Variants in ESRRG observed in about 807,000 individuals in gnomAD.
The protein encoded by ESRRG is estrogen related receptor gamma.
ESRRG carries 13 observed loss-of-function variants against 44.0 expected under a neutral mutation model. That is an observed-to-expected ratio of 0.30 (90% confidence interval 0.19 to 0.47). ESRRG has a LOEUF of 0.47. Among genes scored for constraint, ESRRG ranks in the 20% least tolerant of loss-of-function variants. ESRRG has a pLI of 1.00. For missense variants in ESRRG, 395 were observed against 580.6 expected (o/e 0.68, Z 3.29); for synonymous variants, 215 against 214.6 (o/e 1.00, Z -0.02).
intron 1 of ESRRG, among the ~76,000 whole-genome samples, chr1:216,945,274 A>C (rs2065886434): frequency 6.6e-6 from 1 of 152,122 alleles, no homozygotes; most frequent in Non-Finnish European, 1.5e-5. Context: ...GGAAGGAGGC[A>C]TTTGCTCAAT....
intron 1 of ESRRG, among the ~76,000 whole-genome samples, chr1:216,693,008 T>C (rs2079368631): frequency 6.6e-6 from 1 of 152,254 alleles, no homozygotes; most frequent in South Asian, 2.1e-4. Context: ...CATGGCTGTA[T>C]ACATGCAATG....
At chr1:216,578,232 C>A (rs534755265) in intron 3 of ESRRG, among the ~76,000 whole-genome samples, 7 of 151,906 alleles carry the variant, frequency 4.6e-5, no homozygotes, top group African/African-American at 1.7e-4. Context: ...ACAATACAAG[C>A]GAGAGATGTC....
At chr1:217,088,130 CTT>C (rs891214089) in intron 1 of ESRRG, among the ~76,000 whole-genome samples, 4 of 149,304 alleles carry the variant, frequency 2.7e-5, no homozygotes, top group South Asian at 2.1e-4. Flanking sequence ...ATTTCCGACT[CTT>C]TTTCTCTCGC....
At chr1:216,668,080 G>C (rs966823372) in intron 2 of ESRRG, among the ~76,000 whole-genome samples, 10 of 152,032 alleles carry the variant, frequency 6.6e-5, no homozygotes, top group Non-Finnish European at 1.0e-4. Flanking sequence ...CTGGGTGACA[G>C]AACGAGACTC....
At chr1:216,744,437 C>T (rs187209422) in intron 2 of ESRRG, among the ~76,000 whole-genome samples, 120 of 151,926 alleles carry the variant, frequency 7.9e-4, no homozygotes, top group Non-Finnish European at 1.6e-3. Flanking sequence ...TCAACTCCAT[C>T]CCATCTGAGT....
At chr1:216,894,592 C>T (rs1218992210) in intron 2 of ESRRG, among the ~76,000 whole-genome samples, 1 of 152,068 alleles carries the variant, frequency 6.6e-6, no homozygotes, top group Non-Finnish European at 1.5e-5. Context: ...AGGCTCTCCT[C>T]CTTCCCTCCT....
chr1:216,877,140 T>G (rs2096367919), intron 2 of ESRRG, among the ~76,000 whole-genome samples: 1 of 152,120 alleles, frequency 6.6e-6, no homozygotes, highest in Non-Finnish European at 1.5e-5. Flanking sequence ...CCCCCAATTG[T>G]ACTCATCATG....
intron 3 of ESRRG, among the ~76,000 whole-genome samples, chr1:216,620,485 G>A (rs1440165986): frequency 6.6e-6 from 1 of 152,108 alleles, no homozygotes; most frequent in Non-Finnish European, 1.5e-5. Flanking sequence ...CTCAAAAACA[G>A]TTTGGAGAAG....
chr1:216,584,196 T>C (rs542706937), intron 3 of ESRRG, among the ~76,000 whole-genome samples: 5 of 152,264 alleles, frequency 3.3e-5, no homozygotes, highest in Admixed American at 1.3e-4. Flanking sequence ...CTAAACTAAA[T>C]TATCTTTTTT....
chr1:216,925,730 C>T (rs181321496), intron 2 of ESRRG, among the ~76,000 whole-genome samples: 3 of 151,778 alleles, frequency 2.0e-5, no homozygotes, highest in Non-Finnish European at 4.4e-5. Flanking sequence ...GAGGAAGGAT[C>T]GCCTGAGGTC....
intron 3 of ESRRG, among the ~76,000 whole-genome samples, chr1:216,590,706 T>C (rs2057502820): frequency 6.6e-6 from 1 of 152,144 alleles, no homozygotes; most frequent in Admixed American, 6.5e-5. Context: ...CTTTAGACAG[T>C]ATTGTGAGAG....
intron 3 of ESRRG, among the ~76,000 whole-genome samples, chr1:216,624,920 C>T (rs1249079352): frequency 6.6e-6 from 1 of 152,144 alleles, no homozygotes; most frequent in Non-Finnish European, 1.5e-5. Context: ...TCAATTTCCT[C>T]AATTCTGTTA....
chr1:216,696,444 G>A (rs1315949897), intron 1 of ESRRG, among the ~76,000 whole-genome samples: 13 of 152,016 alleles, frequency 8.6e-5, no homozygotes, highest in Admixed American at 8.5e-4. Flanking sequence ...TGATGTACCT[G>A]TCTTGACTAT....
At chr1:216,578,470 C>T (rs1308637673) in intron 3 of ESRRG, among the ~76,000 whole-genome samples, 2 of 151,934 alleles carry the variant, frequency 1.3e-5, no homozygotes, top group Non-Finnish European at 1.5e-5. Context: ...TCTGTTTATC[C>T]AATAGAGAGA....
intron 1 of ESRRG, among the ~76,000 whole-genome samples, chr1:217,049,603 G>A (rs2085534896): frequency 6.6e-6 from 1 of 152,176 alleles, no homozygotes; most frequent in African/African-American, 2.4e-5. Context: ...GTGTCCATTG[G>A]TACTGTCAAG....
chr1:217,077,170 T>C (rs1486857995), intron 1 of ESRRG, among the ~76,000 whole-genome samples: 4 of 152,244 alleles, frequency 2.6e-5, no homozygotes, highest in African/African-American at 7.2e-5. Flanking sequence ...AATCCATGGT[T>C]ACCCGTTTTT....
intron 2 of ESRRG, among the ~76,000 whole-genome samples, chr1:216,915,777 C>T (rs923900845): frequency 2.0e-5 from 3 of 152,164 alleles, no homozygotes; most frequent in Non-Finnish European, 2.9e-5. Context: ...ATGTCTATTT[C>T]GGCAAATCAG....
intron 2 of ESRRG, among the ~76,000 whole-genome samples, chr1:216,900,817 G>A (rs1318581794): frequency 1.3e-5 from 2 of 152,126 alleles, no homozygotes; most frequent in Admixed American, 6.6e-5. Context: ...GTGTACACTG[G>A]AGAGAACTCC....
At chr1:217,110,699 T>C (rs780081375) in intron 1 of ESRRG, among the ~76,000 whole-genome samples, 3 of 152,074 alleles carry the variant, frequency 2.0e-5, no homozygotes, top group Non-Finnish European at 2.9e-5. Flanking sequence ...ACTCACTCAC[T>C]ATCATAGGAT....
Sources: gnomAD v4.1 joint callset for allele counts (sites outside exome capture counted in the v4.1 genomes callset) on GRCh38, gnomAD v4.1.1 for gene constraint, MANE v1.5 for transcripts, NCBI Gene and HGNC (gene_info 2026-07-23, HGNC 2026-07-21) for gene names.